Variants in STARD10 observed in about 807,000 individuals in gnomAD.
The protein encoded by STARD10 is StAR related lipid transfer domain containing 10.
A neutral mutation model predicts 36.0 loss-of-function variants in STARD10; 24 were observed. That is an observed-to-expected ratio of 0.67 (90% CI 0.48 to 0.94). The LOEUF is 0.94. Ranked by LOEUF, STARD10 falls within the 40% of genes least tolerant of loss-of-function variation. The pLI is 0.00. For synonymous variants in STARD10, 156 were observed against 161.9 expected (o/e 0.96, Z 0.28); for missense variants, 335 against 396.6 (o/e 0.84, Z 1.32).
intron 2 of STARD10, among the ~76,000 whole-genome samples, chr11:72,766,358 A>C (rs749764943): frequency 1.3e-5 from 2 of 152,136 alleles, no homozygotes; most frequent in Non-Finnish European, 2.9e-5. Context: ...CCCTGCCCCA[A>C]AGAGGTTCCG....
rs533162444 is a variant in STARD10, at chr11:72,762,442, G to A, written c.208-3061C>T. On this transcript the variant is annotated intron_variant, in intron 2 of 6. Coordinates refer to ENST00000334805, the MANE Select transcript of STARD10 (RefSeq NM_006645.3). ...AAAAACAAGGTTCAAGGACAGACTC[G>A]AGACTGCAATATTGTTTGTGTCACC... Among the ~76,000 whole-genome samples the A allele has an allele frequency of 4.1e-4, 63 of 152,120 alleles. No individual in the cohort carries two copies. In the South Asian group the frequency reaches 0.011, roughly 28 times the overall value.
intron 2 of STARD10, among the ~76,000 whole-genome samples, chr11:72,770,731 G>T (rs1487964656): frequency 1.3e-5 from 2 of 152,180 alleles, no homozygotes; most frequent in African/African-American, 2.4e-5. Flanking sequence ...AGCCAGAAAT[G>T]CAGGTAGAGG....
At chr11:72,780,295 G>C (rs983875615) in intron 2 of STARD10, 8 of 390,032 alleles carry the variant, frequency 2.1e-5, no homozygotes, top group African/African-American at 1.7e-4. Flanking sequence ...GGCTGTGAGC[G>C]ACTGATGTGT....
At chr11:72,758,493 T>C in intron 4 of STARD10, 37 bp downstream of exon 4, 1 of 1,564,766 alleles carries the variant, frequency 6.4e-7, no homozygotes. Context: ...CCTGACCCTC[T>C]CCCCTGCTCC....
chr11:72,784,910 G>A (rs1859052666), intron 1 of STARD10, among the ~76,000 whole-genome samples: 1 of 152,236 alleles, frequency 6.6e-6, no homozygotes, highest in Admixed American at 6.5e-5. Flanking sequence ...GATCTCACAC[G>A]TGCCCCTCGC....
At position 72,781,896 on chromosome 11, in the gene STARD10, G is replaced by C. The variant is rs970827038; in HGVS notation, c.-113-602C>G. The stretch of plus-strand genomic sequence containing the variant: ...GGATTTTCCAGGCTGCGGAGGTGAA[G>C]CTGACGGATCTCCGAGCCCCGCCCC... On this transcript the variant is annotated intron_variant, in intron 1 of 6. Coordinates refer to ENST00000334805, the MANE Select transcript of STARD10 (RefSeq NM_006645.3). The surrounding 1 kb of genome is among the most constrained non-coding windows in gnomAD (Gnocchi z 4.7). 6.6e-6 allele frequency: 1 copy of C among 151,444 alleles called. No individual in the cohort carries two copies. The highest frequency in any genetic ancestry group is 2.4e-5 in the African/African-American group (1 of 41,318). The allele number at this position is 151,444 out of a possible 1,614,324, so 9.4% of individuals were successfully genotyped here. A position where few individuals can be genotyped will look rare whatever the true frequency, so the allele number is the denominator to read the frequency against.
intron 1 of STARD10, chr11:72,782,330 G>A (rs1859015310): frequency 6.6e-6 from 1 of 152,212 alleles, no homozygotes; most frequent in Admixed American, 6.6e-5. Context: ...CACCAAGCTA[G>A]AGGCACACCA....
intron 5 of STARD10, 49 bp from the exon 6 acceptor site, chr11:72,755,802 C>A: frequency 1.3e-6 from 2 of 1,542,074 alleles, no homozygotes; most frequent in Non-Finnish European, 1.8e-6. Flanking sequence ...CCAGCCCCTC[C>A]GCCCCTGACA....
At chr11:72,791,194 C>T (rs971728085) in intron 1 of STARD10, among the ~76,000 whole-genome samples, 6 of 152,180 alleles carry the variant, frequency 3.9e-5, no homozygotes, top group African/African-American at 1.4e-4. Context: ...GGGGCAGGGA[C>T]TCACCTGGGG....
intron 4 of STARD10, 196 bp from the exon 5 acceptor site, chr11:72,758,080 CT>C: frequency 1.7e-6 from 1 of 602,066 alleles, no homozygotes. Flanking sequence ...CCTCTTGAAG[CT>C]TTTCCTGTTC....
chr11:72,769,055 T>A (rs970123145), intron 2 of STARD10, among the ~76,000 whole-genome samples: 5 of 151,680 alleles, frequency 3.3e-5, no homozygotes, highest in African/African-American at 1.2e-4. Flanking sequence ...CAACTACTAT[T>A]ACTACTTCCG....
chr11:72,787,979 C>T (rs891262125), intron 1 of STARD10, among the ~76,000 whole-genome samples: 14 of 152,176 alleles, frequency 9.2e-5, no homozygotes, highest in East Asian at 3.9e-4. Context: ...TCAGGGACAC[C>T]GTTTGGGTGA....
intron 2 of STARD10, among the ~76,000 whole-genome samples, chr11:72,778,900 A>G (rs1291232229): frequency 6.6e-6 from 1 of 152,216 alleles, no homozygotes; most frequent in East Asian, 1.9e-4. Flanking sequence ...ATGCCTGTCC[A>G]GAAGCCTACA....
At chr11:72,761,793 AT>A (rs746188595) in intron 2 of STARD10, among the ~76,000 whole-genome samples, 4 of 152,012 alleles carry the variant, frequency 2.6e-5, no homozygotes, top group Non-Finnish European at 5.9e-5. Flanking sequence ...GGGAAAAAAA[AT>A]ATACGCATAG....
At chr11:72,759,092 G>A in intron 3 of STARD10, 142 bp downstream of exon 3, 1 of 944,760 alleles carries the variant, frequency 1.1e-6, no homozygotes, top group Non-Finnish European at 1.6e-6. Context: ...GGACAGGGAG[G>A]GCAGCTCTAT....
Position 72,781,303 on chromosome 11 carries a change from C to T in STARD10, c.-113-9G>A. The T allele has an allele frequency of 1.2e-6, 1 of 823,566 alleles. No homozygotes were observed. The highest frequency in any genetic ancestry group is 1.9e-6 in the Non-Finnish European group (1 of 525,250). 51.0% of individuals were successfully genotyped at this position (823,566 alleles called of 1,614,324 possible). On this transcript the variant is annotated splice_polypyrimidine_tract_variant and intron_variant, in intron 1 of 6. Coordinates refer to ENST00000334805, the MANE Select transcript of STARD10 (RefSeq NM_006645.3). The surrounding 1 kb of genome is among the most constrained non-coding windows in gnomAD (Gnocchi z 4.7). The stretch of plus-strand genomic sequence containing the variant: ...CGCCACCTTCCTGGGACCTGCAAGA[C>T]CGGTTTGGGGACGGGAATCAGTGCG...
chr11:72,774,045 G>T (rs942354150), intron 2 of STARD10, among the ~76,000 whole-genome samples: 7 of 152,306 alleles, frequency 4.6e-5, no homozygotes, highest in Admixed American at 4.6e-4. Context: ...TCACCTCTCT[G>T]GCAAAGTACC....
At chr11:72,762,418 A>G (rs887518697) in intron 2 of STARD10, among the ~76,000 whole-genome samples, 18 of 152,128 alleles carry the variant, frequency 1.2e-4, no homozygotes, top group African/African-American at 3.9e-4. Flanking sequence ...AGGATTAAGA[A>G]AAACAAGGTT....
intron 2 of STARD10, among the ~76,000 whole-genome samples, chr11:72,775,701 C>T (rs1858920688): frequency 6.6e-6 from 1 of 152,100 alleles, no homozygotes. Flanking sequence ...CTGGAGGCTC[C>T]TTGAGGGCAG....
Sources: allele counts gnomAD v4.1 joint callset (sites outside exome capture counted in the v4.1 genomes callset), GRCh38; gene constraint gnomAD v4.1.1; non-coding constraint Gnocchi (gnomAD v3.1); transcripts MANE v1.5; gene names NCBI Gene and HGNC (gene_info 2026-07-23, HGNC 2026-07-21).